The following FHIT variants were observed in gnomAD, a reference collection of about 807,000 sequenced individuals.
The protein encoded by FHIT is bis(5'-adenosyl)-triphosphatase.
In FHIT, 19 loss-of-function variants were observed where a neutral mutation model predicts 17.9. The observed-to-expected ratio is 1.06, with a 90% CI of 0.74 to 1.56. The LOEUF (loss-of-function observed/expected upper bound fraction) is 1.56. FHIT is among the 40% of genes most tolerant of loss of function. The pLI is 0.00. For missense variants in FHIT, 248 were observed against 189.2 expected, an observed-to-expected ratio of 1.31 and a Z score of -1.82; for synonymous variants, 81 against 69.7, an observed-to-expected ratio of 1.16 and a Z score of -0.81.
chr3:59,843,878 C>T (rs1033813757), intron 8 of FHIT, among the ~76,000 whole-genome samples: 2 of 151,966 alleles, frequency 1.3e-5, no homozygotes, highest in African/African-American at 2.4e-5. Flanking sequence ...AATGCAATCC[C>T]CAATGTTGGA....
intron 7 of FHIT, among the ~76,000 whole-genome samples, chr3:59,929,860 C>CTTTTTT (rs3047601): frequency 1.4e-5 from 2 of 143,684 alleles, no homozygotes; most frequent in South Asian, 2.2e-4. Context: ...ATGATACACG[C>CTTTTTT]TTTTTTTTTT....
intron 5 of FHIT, among the ~76,000 whole-genome samples, chr3:60,158,324 CT>C (rs796776481): frequency 9.8e-4 from 144 of 146,390 alleles, no homozygotes; most frequent in Admixed American, 1.0e-3. Flanking sequence ...ATTTCTCTCT[CT>C]TTTTTTTTTT....
At chr3:60,242,942 G>A (rs1705208375) in intron 5 of FHIT, among the ~76,000 whole-genome samples, 1 of 151,836 alleles carries the variant, frequency 6.6e-6, no homozygotes, top group African/African-American at 2.4e-5. Context: ...GTAGATGTTA[G>A]TCTAATCTCC....
At chr3:60,821,468 C>T (rs571585934) in intron 4 of FHIT, among the ~76,000 whole-genome samples, 261 of 148,212 alleles carry the variant, frequency 1.8e-3, no homozygotes, top group African/African-American at 6.1e-3. Flanking sequence ...CCTCCTCCTG[C>T]TGCTCCTAAC....
intron 7 of FHIT, among the ~76,000 whole-genome samples, chr3:59,963,307 T>C (rs938388643): frequency 8.6e-5 from 13 of 151,662 alleles, no homozygotes; most frequent in African/African-American, 2.7e-4. Context: ...AAAAGAAAAA[T>C]GTATTGTTAG....
chr3:59,829,235 C>G (rs1254583651), intron 8 of FHIT, among the ~76,000 whole-genome samples: 3 of 152,076 alleles, frequency 2.0e-5, no homozygotes, highest in Non-Finnish European at 4.4e-5. Flanking sequence ...AGTGCCTTGG[C>G]CTCTGAAAAC....
At chr3:60,430,156 C>T (rs1476927042) in intron 5 of FHIT, among the ~76,000 whole-genome samples, 1 of 151,976 alleles carries the variant, frequency 6.6e-6, no homozygotes, top group South Asian at 2.1e-4. Context: ...TAAAAAGATG[C>T]CCTCAGCTGC....
At chr3:61,154,227 G>A (rs115648582) in intron 2 of FHIT, among the ~76,000 whole-genome samples, 1 of 152,174 alleles carries the variant, frequency 6.6e-6, no homozygotes, top group Non-Finnish European at 1.5e-5. Context: ...ACTTGGCTCA[G>A]GGAAACCTCC....
intron 3 of FHIT, among the ~76,000 whole-genome samples, chr3:60,878,400 C>T (rs1481877722): frequency 4.6e-5 from 7 of 152,042 alleles, no homozygotes; most frequent in Non-Finnish European, 8.8e-5. Context: ...GTTTAATTAT[C>T]CCCATTGTGA....
At chr3:60,356,462 TTTC>T (rs1358623601) in intron 5 of FHIT, among the ~76,000 whole-genome samples, 10 of 152,302 alleles carry the variant, frequency 6.6e-5, no homozygotes, top group East Asian at 3.9e-4. Context: ...ATTTGAAGGA[TTTC>T]TTTTCTTATA....
chr3:59,815,390 G>C (rs1343232696), intron 8 of FHIT, among the ~76,000 whole-genome samples: 1 of 152,072 alleles, frequency 6.6e-6, no homozygotes, highest in Non-Finnish European at 1.5e-5. Context: ...TATCTACCTA[G>C]AGGAAAAGAT....
intron 5 of FHIT, among the ~76,000 whole-genome samples, chr3:60,052,307 T>TAC (rs1701913011): frequency 6.6e-6 from 1 of 151,970 alleles, no homozygotes; most frequent in South Asian, 2.1e-4. Flanking sequence ...CTATCACGAG[T>TAC]ACACCCTGAA....
chr3:60,678,291 C>T (rs1351284191), intron 4 of FHIT, among the ~76,000 whole-genome samples: 1 of 152,182 alleles, frequency 6.6e-6, no homozygotes, highest in Non-Finnish European at 1.5e-5. Context: ...TTCAAGGACA[C>T]TTCTCATAAA....
At chr3:60,210,584 A>C (rs1703402467) in intron 5 of FHIT, among the ~76,000 whole-genome samples, 1 of 152,148 alleles carries the variant, frequency 6.6e-6, no homozygotes, top group South Asian at 2.1e-4. Context: ...CTGAAAAATG[A>C]GTGAGAAATA....
chr3:60,582,343 C>G (rs946287976), intron 4 of FHIT, among the ~76,000 whole-genome samples: 3 of 152,180 alleles, frequency 2.0e-5, no homozygotes. Context: ...TGGTGGCATT[C>G]AGAGAGCAGC....
chr3:60,712,230 G>A (rs1298150057), intron 4 of FHIT, among the ~76,000 whole-genome samples: 1 of 152,150 alleles, frequency 6.6e-6, no homozygotes, highest in African/African-American at 2.4e-5. Flanking sequence ...CAAATGCTGA[G>A]AGATTTTGTC....
intron 4 of FHIT, among the ~76,000 whole-genome samples, chr3:60,750,506 A>G (rs2042444599): frequency 1.3e-5 from 2 of 152,178 alleles, no homozygotes; most frequent in South Asian, 4.1e-4. Flanking sequence ...ATCATGAATC[A>G]GTCTCACAAG....
At chr3:60,017,182 C>T (rs1183556856) in intron 5 of FHIT, among the ~76,000 whole-genome samples, 1 of 152,126 alleles carries the variant, frequency 6.6e-6, no homozygotes, top group Non-Finnish European at 1.5e-5. Context: ...AGAAGGGAAC[C>T]ACTGTTTTCA....
chr3:60,205,093 C>CA (rs201539340), intron 5 of FHIT, among the ~76,000 whole-genome samples: 6,182 of 105,014 alleles, frequency 0.059, 247 homozygotes, highest in African/African-American at 0.14. Context: ...GACCCTGCCT[C>CA]AAAAAAAAAA....
Sources: allele counts gnomAD v4.1 joint callset (sites outside exome capture counted in the v4.1 genomes callset), GRCh38; gene constraint gnomAD v4.1.1; transcripts MANE v1.5; gene names NCBI Gene and HGNC (gene_info 2026-07-23, HGNC 2026-07-21).